The following CFAP20DC variants were observed in gnomAD, a reference collection of about 807,000 sequenced individuals.
The protein encoded by CFAP20DC is CFAP20 domain containing, also known as protein CFAP20DC.
A neutral mutation model predicts 101.7 loss-of-function variants in CFAP20DC; 84 were observed. That is an observed-to-expected ratio of 0.83 (90% CI 0.69 to 0.99). The LOEUF (loss-of-function observed/expected upper bound fraction) is 0.99. Ranked by LOEUF, CFAP20DC falls within the 50% of genes least tolerant of loss-of-function variation. CFAP20DC has a pLI of 0.00. For synonymous variants in CFAP20DC, 359 were observed against 351.2 expected, an observed-to-expected ratio of 1.02 and a Z score of -0.25; for missense variants, 1,007 against 970.3, an observed-to-expected ratio of 1.04 and a Z score of -0.50.
Position 58,894,631 on chromosome 3 carries a change from G to C in CFAP20DC, c.551-9922C>G, listed in dbSNP as rs995349427. Among the ~76,000 whole-genome samples the C allele has an allele frequency of 1.3e-5, 2 of 152,212 alleles. No individual in the cohort carries two copies. Among genetic ancestry groups the C allele is most frequent in the African/African-American group, 4.8e-5 (2 of 41,456 alleles). On this transcript the variant is annotated intron_variant, in intron 6 of 16. Transcript: ENST00000482387. This position sits in a 1 kb window ranked among gnomAD's most constrained non-coding sequence, Gnocchi z 4.1. Reference sequence around the variant, plus strand: ...TGTCTGTGGGTTTTCCAGGCACACAGTGCAAGCTGTCAGTGGATCTACCAT... The same window carrying C: ...TGTCTGTGGGTTTTCCAGGCACACACTGCAAGCTGTCAGTGGATCTACCAT...
At chr3:58,949,509 A>T (rs940343219) in intron 4 of CFAP20DC, among the ~76,000 whole-genome samples, 13 of 152,078 alleles carry the variant, frequency 8.5e-5, no homozygotes, top group African/African-American at 2.7e-4. Context: ...GTTTCAAAGA[A>T]CATCTTTATT....
At chr3:58,760,447 G>T (rs919455186) in intron 15 of CFAP20DC, among the ~76,000 whole-genome samples, 6 of 152,134 alleles carry the variant, frequency 3.9e-5, no homozygotes, top group Admixed American at 3.9e-4. Flanking sequence ...GAGATGATGG[G>T]GTTTTCTAGA....
chr3:58,746,162 T>A (rs1451196134), intron 16 of CFAP20DC, among the ~76,000 whole-genome samples: 1 of 152,182 alleles, frequency 6.6e-6, no homozygotes, highest in Non-Finnish European at 1.5e-5. Context: ...AACATTAGGA[T>A]AAATTCATCT....
At chr3:58,842,223 CG>C (rs1463810641) in intron 13 of CFAP20DC, among the ~76,000 whole-genome samples, 4 of 152,096 alleles carry the variant, frequency 2.6e-5, no homozygotes, top group Non-Finnish European at 1.5e-5. Flanking sequence ...ACGCAGAAGA[CG>C]GGTGATTTCT....
intron 4 of CFAP20DC, among the ~76,000 whole-genome samples, chr3:58,988,732 A>G (rs1576611193): frequency 6.6e-6 from 1 of 152,338 alleles, no homozygotes; most frequent in South Asian, 2.1e-4. Flanking sequence ...ATGTAAATAT[A>G]AAATATGTAG....
chr3:58,849,552 A>G (rs2078036086), intron 12 of CFAP20DC, 143 bp from the exon 13 acceptor site: 1 of 641,708 alleles, frequency 1.6e-6, no homozygotes, highest in Admixed American at 3.4e-5. Flanking sequence ...ATCTGCAAAG[A>G]AAAACATGAG....
intron 12 of CFAP20DC, chr3:58,862,783 C>G (rs2079357247): frequency 2.0e-6 from 2 of 981,564 alleles, no homozygotes; most frequent in African/African-American, 3.5e-5. Flanking sequence ...TGTTCGTATT[C>G]TGCTTTTAGA....
intron 4 of CFAP20DC, among the ~76,000 whole-genome samples, chr3:58,989,673 T>G (rs2092871797): frequency 6.6e-6 from 1 of 152,192 alleles, no homozygotes; most frequent in Non-Finnish European, 1.5e-5. Context: ...AGGCTCAGTT[T>G]ATACTTCACA....
At chr3:58,797,805 T>C (rs114820215) in intron 15 of CFAP20DC, among the ~76,000 whole-genome samples, 9,136 of 152,230 alleles carry the variant, frequency 0.06, 351 homozygotes, top group Admixed American at 0.093. Flanking sequence ...CCAGTGGTCA[T>C]TGACTATTCC....
At chr3:58,745,749 T>G (rs1381282212) in intron 16 of CFAP20DC, among the ~76,000 whole-genome samples, 1 of 152,128 alleles carries the variant, frequency 6.6e-6, no homozygotes, top group African/African-American at 2.4e-5. Flanking sequence ...TCGCTTAAAG[T>G]GTGAAGAAAA....
intron 12 of CFAP20DC, among the ~76,000 whole-genome samples, chr3:58,857,427 A>G (rs1458713277): frequency 1.3e-5 from 2 of 152,198 alleles, no homozygotes; most frequent in African/African-American, 2.4e-5. Context: ...ATGAGTATGT[A>G]CATGGACATT....
chr3:58,731,509 A>G (rs2067645641), intron 3 of CFAP20DC, among the ~76,000 whole-genome samples: 1 of 152,212 alleles, frequency 6.6e-6, no homozygotes, highest in East Asian at 1.9e-4. Flanking sequence ...CTATAAAAAC[A>G]CCAGGGGAAT....
chr3:58,921,479 T>C lies in CFAP20DC; in HGVS notation c.394-7615A>G, dbSNP rs552581082. Among the ~76,000 whole-genome samples, 23 of 152,050 alleles carry C rather than the reference T, an allele frequency of 1.5e-4. No individual in the cohort carries two copies. The South Asian group carries it at 4.1e-3, about 27-fold the overall frequency. ...AATCAGCTATACTGTTTTCTAATAT[T>C]CTAATTTTTTTTTACATATAGATGA... is the stretch of plus-strand genomic sequence containing the variant. On this transcript the variant is annotated intron_variant, in intron 5 of 16. Coordinates refer to ENST00000482387, the MANE Select transcript of CFAP20DC (RefSeq NM_001394063.1).
chr3:58,845,752 C>T (rs1010029031), intron 13 of CFAP20DC, among the ~76,000 whole-genome samples: 12 of 149,506 alleles, frequency 8.0e-5, no homozygotes, highest in South Asian at 2.1e-4. Context: ...AACATTGATG[C>T]AAAAATCCTC....
At chr3:58,813,029 C>T (rs191935109) in intron 14 of CFAP20DC, among the ~76,000 whole-genome samples, 213 of 151,970 alleles carry the variant, frequency 1.4e-3, no homozygotes, top group Non-Finnish European at 2.3e-3. Flanking sequence ...CATTTAGTCT[C>T]AGTGTTAGTA....
At chr3:58,945,466 A>G (rs2089219067) in intron 4 of CFAP20DC, among the ~76,000 whole-genome samples, 2 of 152,306 alleles carry the variant, frequency 1.3e-5, no homozygotes, top group Non-Finnish European at 2.9e-5. Flanking sequence ...GGTAAAAAAA[A>G]GCTCTGATCC....
chr3:58,984,507 C>A (rs536788089), intron 4 of CFAP20DC, among the ~76,000 whole-genome samples: 1 of 152,172 alleles, frequency 6.6e-6, no homozygotes, highest in Non-Finnish European at 1.5e-5. Flanking sequence ...GAAAGAGATG[C>A]CAAATCATTT....
intron 4 of CFAP20DC, among the ~76,000 whole-genome samples, chr3:58,940,423 A>G (rs937664036): frequency 8.5e-5 from 13 of 152,192 alleles, no homozygotes; most frequent in African/African-American, 3.1e-4. Flanking sequence ...TTGTTTTTAC[A>G]TTTAGTTCGT....
intron 16 of CFAP20DC, among the ~76,000 whole-genome samples, chr3:58,752,993 A>G (rs924227667): frequency 1.1e-4 from 16 of 152,074 alleles, no homozygotes; most frequent in African/African-American, 3.1e-4. Flanking sequence ...TGTCACTCCA[A>G]TTATGCACTT....
Sources: gnomAD v4.1 joint callset for allele counts (sites outside exome capture counted in the v4.1 genomes callset) on GRCh38, gnomAD v4.1.1 for gene constraint, Gnocchi (gnomAD v3.1) non-coding constraint, MANE v1.5 for transcripts, NCBI Gene and HGNC (gene_info 2026-07-23, HGNC 2026-07-21) for gene names.